The following DGKB variants were observed in gnomAD, a reference collection of about 807,000 sequenced individuals.
The protein encoded by DGKB is diacylglycerol kinase beta.
Under a neutral mutation model 114.3 loss-of-function variants are expected in DGKB, and 67 were observed. That is an observed-to-expected ratio of 0.59 (90% CI 0.48 to 0.72). The LOEUF (loss-of-function observed/expected upper bound fraction) is 0.72, where lower values mean the gene tolerates loss of function less well. DGKB is among the 30% of genes least tolerant of loss of function. The pLI, the probability that DGKB is intolerant of heterozygous loss-of-function variation, is 0.00. For missense variants in DGKB, 907 were observed against 975.2 expected, an observed-to-expected ratio of 0.93 and a Z score of 0.93; for synonymous variants, 398 against 323.1, an observed-to-expected ratio of 1.23 and a Z score of -2.49.
chr7:14,750,219 A>C (rs1723239), intron 4 of DGKB: 145,671 of 501,546 alleles, frequency 0.29, 28,222 homozygotes, highest in African/African-American at 0.69. Flanking sequence ...TTAAAGCATA[A>C]TTTTCTAAAC....
intron 21 of DGKB, among the ~76,000 whole-genome samples, chr7:14,422,009 G>T (rs1273061998): frequency 2.0e-5 from 3 of 151,810 alleles, no homozygotes; most frequent in Non-Finnish European, 2.9e-5. Flanking sequence ...ACAGCCTTCT[G>T]GGAAAATAAT....
intron 21 of DGKB, among the ~76,000 whole-genome samples, chr7:14,459,393 T>G (rs1832755768): frequency 6.6e-6 from 1 of 152,026 alleles, no homozygotes; most frequent in African/African-American, 2.4e-5. Context: ...ATAACCAGTT[T>G]AGAGAAGAAC....
At chr7:14,838,344 T>C (rs1847437624) in intron 2 of DGKB, among the ~76,000 whole-genome samples, 1 of 152,182 alleles carries the variant, frequency 6.6e-6, no homozygotes, top group African/African-American at 2.4e-5. Flanking sequence ...ATAATTTATA[T>C]ATTTTATAGT....
chr7:14,516,655 T>G (rs1456919293), intron 20 of DGKB, among the ~76,000 whole-genome samples: 2 of 152,180 alleles, frequency 1.3e-5, no homozygotes, highest in African/African-American at 4.8e-5. Flanking sequence ...GGGATTGCAT[T>G]CTTGATTTGG....
At chr7:14,409,937 C>T (rs183958645) in intron 21 of DGKB, among the ~76,000 whole-genome samples, 3 of 152,120 alleles carry the variant, frequency 2.0e-5, no homozygotes, top group East Asian at 1.9e-4. Flanking sequence ...ACACAACATA[C>T]AAAATATGTG....
At chr7:14,409,362 A>G (rs1039687431) in intron 21 of DGKB, among the ~76,000 whole-genome samples, 45 of 152,130 alleles carry the variant, frequency 3.0e-4, no homozygotes, top group African/African-American at 1.1e-3. Flanking sequence ...ATGAAATGCT[A>G]CTAAGGATGC....
At chr7:14,163,675 A>G (rs1271005192) in intron 25 of DGKB, among the ~76,000 whole-genome samples, 1 of 152,120 alleles carries the variant, frequency 6.6e-6, no homozygotes, top group Non-Finnish European at 1.5e-5. Context: ...TTCTCTCTTC[A>G]AATTATCAAC....
chr7:14,247,540 T>C (rs1024876313), intron 23 of DGKB, among the ~76,000 whole-genome samples: 28 of 152,150 alleles, frequency 1.8e-4, no homozygotes, highest in African/African-American at 6.8e-4. Context: ...TCATAGCCAT[T>C]CTAAAAGGTG....
At chr7:14,283,567 G>A (rs571396528) in intron 23 of DGKB, among the ~76,000 whole-genome samples, 2 of 148,102 alleles carry the variant, frequency 1.4e-5, no homozygotes, top group East Asian at 2.0e-4. Flanking sequence ...TCAATCCTAA[G>A]CCAAAAGAAC....
chr7:14,175,001 C>T (rs6949550), intron 25 of DGKB, among the ~76,000 whole-genome samples: 2 of 151,936 alleles, frequency 1.3e-5, no homozygotes, highest in Non-Finnish European at 2.9e-5. Context: ...TTATACACAA[C>T]GTTTGAGCCA....
intron 1 of DGKB, among the ~76,000 whole-genome samples, chr7:14,901,302 T>A (rs1461199622): frequency 1.3e-5 from 2 of 152,220 alleles, no homozygotes; most frequent in African/African-American, 2.4e-5. Context: ...TAGCACAATT[T>A]AAAACTGAAA....
At chr7:14,523,998 G>A (rs1790218468) in intron 20 of DGKB, among the ~76,000 whole-genome samples, 1 of 152,072 alleles carries the variant, frequency 6.6e-6, no homozygotes, top group Non-Finnish European at 1.5e-5. Flanking sequence ...TCATTGCTGT[G>A]CATTTCCCAG....
intron 1 of DGKB, among the ~76,000 whole-genome samples, chr7:14,935,027 A>G (rs1329052672): frequency 6.6e-6 from 1 of 152,182 alleles, no homozygotes; most frequent in Non-Finnish European, 1.5e-5. Flanking sequence ...TAATTTGAGT[A>G]TTACTGTACA....
intron 21 of DGKB, among the ~76,000 whole-genome samples, chr7:14,454,395 T>A (rs1384994065): frequency 2.6e-5 from 4 of 152,108 alleles, no homozygotes; most frequent in Non-Finnish European, 4.4e-5. Flanking sequence ...GCAAACACAT[T>A]TTAAGGCAAT....
At chr7:14,472,617 G>A (rs1344233033) in intron 21 of DGKB, among the ~76,000 whole-genome samples, 3 of 152,158 alleles carry the variant, frequency 2.0e-5, no homozygotes, top group African/African-American at 7.2e-5. Context: ...GGCAGAGGTT[G>A]GAACACTTTG....
At chr7:14,153,407 T>A (rs577480090) in intron 25 of DGKB, among the ~76,000 whole-genome samples, 2 of 152,238 alleles carry the variant, frequency 1.3e-5, no homozygotes, top group East Asian at 3.9e-4. Context: ...AAAATAATTT[T>A]ACTTTTATAA....
At chr7:14,858,055 T>G (rs1350276018) in intron 1 of DGKB, among the ~76,000 whole-genome samples, 2 of 152,142 alleles carry the variant, frequency 1.3e-5, no homozygotes, top group Non-Finnish European at 2.9e-5. Flanking sequence ...CAGTCACATA[T>G]AACAGCATTT....
chr7:14,890,971 C>T (rs1478150207), intron 1 of DGKB, among the ~76,000 whole-genome samples: 3 of 151,258 alleles, frequency 2.0e-5, no homozygotes, highest in Non-Finnish European at 4.4e-5. Context: ...ATTTCATTCT[C>T]TCAAAATAGA....
At chr7:14,825,867 T>C (rs1382114973) in intron 2 of DGKB, among the ~76,000 whole-genome samples, 1 of 152,210 alleles carries the variant, frequency 6.6e-6, no homozygotes, top group Non-Finnish European at 1.5e-5. Context: ...CTCTGTATTA[T>C]ATCAACAAAT....
Sources: gnomAD v4.1 joint callset for allele counts (sites outside exome capture counted in the v4.1 genomes callset) on GRCh38, gnomAD v4.1.1 for gene constraint, MANE v1.5 for transcripts, NCBI Gene and HGNC (gene_info 2026-07-23, HGNC 2026-07-21) for gene names.